The following PTGFR variants were observed in gnomAD, a reference collection of about 807,000 sequenced individuals.
PTGFR encodes prostaglandin F2-alpha receptor.
In PTGFR, 15 loss-of-function variants were observed where a neutral mutation model predicts 26.2. The observed-to-expected ratio is 0.57, with a 90% CI of 0.38 to 0.88. The LOEUF (loss-of-function observed/expected upper bound fraction) is 0.88, where lower values mean the gene tolerates loss of function less well. Among genes scored for constraint, PTGFR ranks in the 40% least tolerant of loss-of-function variants. The pLI, the probability that PTGFR is intolerant of heterozygous loss-of-function variation, is 0.00. For missense variants in PTGFR, 369 were observed against 427.2 expected, an observed-to-expected ratio of 0.86 and a Z score of 1.20; for synonymous variants, 165 against 151.1, an observed-to-expected ratio of 1.09 and a Z score of -0.68.
chr1:78,514,677 A>G (rs143383665), intron 2 of PTGFR, among the ~76,000 whole-genome samples: 26 of 152,228 alleles, frequency 1.7e-4, no homozygotes, highest in South Asian at 1.7e-3. Flanking sequence ...TATAGTTTGG[A>G]TATGTCTCCC....
chr1:78,525,745 T>A (rs1452589184), intron 2 of PTGFR, among the ~76,000 whole-genome samples: 1 of 152,052 alleles, frequency 6.6e-6, no homozygotes, highest in Non-Finnish European at 1.5e-5. Flanking sequence ...GGTCCCACAG[T>A]GAGTCACCAC....
intron 2 of PTGFR, among the ~76,000 whole-genome samples, chr1:78,497,220 T>G (rs1557647356): frequency 6.6e-6 from 1 of 152,190 alleles, no homozygotes. Context: ...ACTTAAATTT[T>G]TACAATATCT....
In PTGFR at chr1:78,538,748, T is replaced by A. The variant is rs577293010; in HGVS notation, c.*2061T>A. On this transcript the variant is annotated 3_prime_UTR_variant, in exon 3 of 3. Coordinates refer to ENST00000370757, the MANE Select transcript of PTGFR (RefSeq NM_000959.4). Reference sequence around the variant, plus strand: ...CACATAAATGTTCAAAATAGAAGTGTATTTTTTCAGGTTTCTGGAAATAAA... The same window carrying A: ...CACATAAATGTTCAAAATAGAAGTGAATTTTTTCAGGTTTCTGGAAATAAA... 4 of 152,196 alleles carry A rather than the reference T, an allele frequency of 2.6e-5. No individual in the cohort carries two copies. The South Asian group carries it at 8.3e-4, about 32-fold the overall frequency. 9.4% of individuals were successfully genotyped at this position (152,196 alleles called of 1,614,324 possible).
chr1:78,530,181 T>A (rs776245281), intron 2 of PTGFR, among the ~76,000 whole-genome samples: 2 of 152,194 alleles, frequency 1.3e-5, no homozygotes, highest in Non-Finnish European at 1.5e-5. Context: ...AATCTATTAG[T>A]GATACTTTTT....
rs182937262 is a variant in PTGFR, at chr1:78,508,368, A to T, written c.798+14827A>T. ...TGTTTTTCCTCTGGTATGTGGCTGG[A>T]AACTTCATGGTTTTGCTGAACAGCT... On this transcript the variant is annotated intron_variant, in intron 2 of 2. Transcript: ENST00000370757. Among the ~76,000 whole-genome samples, 191 of 152,234 alleles carry T rather than the reference A, an allele frequency of 1.3e-3. 1 individual carries two copies. The highest frequency in any genetic ancestry group is 2.3e-3 in the Non-Finnish European group (157 of 68,026).
chr1:78,527,574 C>T (rs1337934313), intron 2 of PTGFR, among the ~76,000 whole-genome samples: 1 of 152,142 alleles, frequency 6.6e-6, no homozygotes, highest in East Asian at 1.9e-4. Context: ...GACTCCCTCT[C>T]TCCCCAAATC....
chr1:78,538,283 G>C lies in PTGFR; in HGVS notation c.*1596G>C, dbSNP rs1650706557. 1 of 152,024 alleles carries C rather than the reference G, an allele frequency of 6.6e-6. No homozygotes were observed. The highest frequency in any genetic ancestry group is 2.4e-5 in the African/African-American group (1 of 41,404). The allele number at this position is 152,024 out of a possible 1,614,324, so 9.4% of individuals were successfully genotyped here. A position where few individuals can be genotyped will look rare whatever the true frequency, so the allele number is the denominator to read the frequency against. ...GGCATGGAGAAGAAACTCTCATTCA[G>C]GGGCTCCAGGATCCTTCTCCTTGAG... On this transcript the variant is annotated 3_prime_UTR_variant, in exon 3 of 3. Coordinates refer to ENST00000370757, the MANE Select transcript of PTGFR (RefSeq NM_000959.4).
chr1:78,533,535 C>T (rs546188119), intron 2 of PTGFR, among the ~76,000 whole-genome samples: 1 of 152,292 alleles, frequency 6.6e-6, no homozygotes, highest in East Asian at 1.9e-4. Flanking sequence ...AGTTACATTT[C>T]TGTTTTACTC....
chr1:78,494,904 C>A (rs1649508562), intron 2 of PTGFR, among the ~76,000 whole-genome samples: 1 of 152,262 alleles, frequency 6.6e-6, no homozygotes, highest in East Asian at 1.9e-4. Flanking sequence ...ACGCCCGGCC[C>A]ACTAGTGCAG....
chr1:78,524,461 T>C (rs1489854441), intron 2 of PTGFR, among the ~76,000 whole-genome samples: 2 of 152,090 alleles, frequency 1.3e-5, no homozygotes, highest in African/African-American at 4.8e-5. Context: ...ATAGGCCAAC[T>C]GTTTAGTTAT....
chr1:78,532,678 G>A (rs923766262), intron 2 of PTGFR, among the ~76,000 whole-genome samples: 17 of 151,034 alleles, frequency 1.1e-4, no homozygotes, highest in East Asian at 5.9e-4. Context: ...AGCGATTCTC[G>A]TGCCTCAGCC....
chr1:78,511,406 G>A (rs1312365978), intron 2 of PTGFR, among the ~76,000 whole-genome samples: 1 of 152,222 alleles, frequency 6.6e-6, no homozygotes, highest in African/African-American at 2.4e-5. Context: ...AAAATGCCAA[G>A]GCTTATGGCT....
chr1:78,531,051 A>C (rs1650494812), intron 2 of PTGFR, among the ~76,000 whole-genome samples: 1 of 152,086 alleles, frequency 6.6e-6, no homozygotes, highest in South Asian at 2.1e-4. Context: ...AAATTCCATG[A>C]TCCCTCCTGT....
At chr1:78,504,476 T>A (rs1435927695) in intron 2 of PTGFR, among the ~76,000 whole-genome samples, 1 of 152,156 alleles carries the variant, frequency 6.6e-6, no homozygotes. Flanking sequence ...ATAATTCTGA[T>A]ATATAAAAAT....
intron 2 of PTGFR, among the ~76,000 whole-genome samples, chr1:78,518,784 A>C (rs929955620): frequency 6.6e-6 from 1 of 152,128 alleles, no homozygotes; most frequent in South Asian, 2.1e-4. Context: ...AATGTGTAAA[A>C]CATGAGCAGA....
Position 78,538,536 on chromosome 1 carries a change from A to G in PTGFR, c.*1849A>G, listed in dbSNP as rs1003160486. 3.3e-5 allele frequency: 5 copies of G among 151,950 alleles called. No individual in the cohort carries two copies. The highest frequency in any genetic ancestry group is 4.8e-5 in the African/African-American group (2 of 41,372). 9.4% of individuals were successfully genotyped at this position (151,950 alleles called of 1,614,324 possible). A position where few individuals can be genotyped will look rare whatever the true frequency, so the allele number is the denominator to read the frequency against. Reference sequence around the variant, plus strand: ...CAAGAAGTAGACATCAAAAATTAAAAAAAAAAAAAGGAATGTGTTTTCATT... The same window carrying G: ...CAAGAAGTAGACATCAAAAATTAAAGAAAAAAAAAGGAATGTGTTTTCATT... On this transcript the variant is annotated 3_prime_UTR_variant, in exon 3 of 3. Coordinates refer to ENST00000370757, the MANE Select transcript of PTGFR (RefSeq NM_000959.4).
intron 2 of PTGFR, among the ~76,000 whole-genome samples, chr1:78,496,033 T>C (rs1212579991): frequency 6.6e-6 from 1 of 152,230 alleles, no homozygotes; most frequent in Non-Finnish European, 1.5e-5. Context: ...TATGGGCTGA[T>C]ATTTTGAGTT....
intron 2 of PTGFR, among the ~76,000 whole-genome samples, chr1:78,532,021 T>G (rs560778669): frequency 1.3e-5 from 2 of 152,182 alleles, no homozygotes; most frequent in African/African-American, 4.8e-5. Flanking sequence ...AAAGGTTTTC[T>G]GCAGAAGATG....
chr1:78,519,141 T>C (rs1477039525), intron 2 of PTGFR, among the ~76,000 whole-genome samples: 1 of 152,138 alleles, frequency 6.6e-6, no homozygotes, highest in East Asian at 1.9e-4. Context: ...TCTTCATCAG[T>C]GGCTACTCCA....
Sources: allele counts gnomAD v4.1 joint callset (sites outside exome capture counted in the v4.1 genomes callset), GRCh38; gene constraint gnomAD v4.1.1; transcripts MANE v1.5; gene names NCBI Gene and HGNC (gene_info 2026-07-23, HGNC 2026-07-21).